XKR9: variants seen among roughly 807,000 people sequenced by gnomAD.
The protein encoded by XKR9 is XK-related protein 9.
Under a neutral mutation model 32.0 loss-of-function variants are expected in XKR9, and 32 were observed. The observed-to-expected ratio is 1.00, with a 90% CI of 0.76 to 1.34. The LOEUF is 1.34. XKR9 is among the 40% of genes most tolerant of loss of function. The pLI is 0.00. For missense variants in XKR9, 546 were observed against 429.7 expected (o/e 1.27, Z -2.39); for synonymous variants, 168 against 143.4 (o/e 1.17, Z -1.22).
rs764181796 is a variant in XKR9, at chr8:70,734,410, T to A, written c.1108T>A (p.Phe370Ile). 72 of 1,582,270 alleles carry A rather than the reference T, an allele frequency of 4.6e-5. No homozygotes were observed. The highest frequency in any genetic ancestry group is 6.1e-5 in the Non-Finnish European group (72 of 1,171,612). The change falls in exon 5 of 5, where the codon TTC (phenylalanine) becomes ATC (isoleucine). Residue 370 changes from phenylalanine (F) to isoleucine (I), a missense_variant. Phe to Ile is a conservative substitution (Grantham distance 21, BLOSUM62 0). Coordinates refer to ENST00000408926, the MANE Select transcript of XKR9 (RefSeq NM_001011720.2). ...TCTAAGAGAATGTAGAATGAGATAT[T>A]TCCTAATGGAATAAGCTATTCATTT... The part of the protein sequence containing the change: ...PVLRECRMRY[F>I]LME
At chr8:70,953,151 A>G in the XKR9 span, among the ~76,000 whole-genome samples, 3 of 152,220 alleles carry the variant, frequency 2.0e-5, no homozygotes, top group African/African-American at 2.4e-5. Flanking sequence ...TCCTTCAACT[A>G]CATTAGACTT....
the XKR9 span, among the ~76,000 whole-genome samples, chr8:70,829,551 C>G: frequency 6.6e-6 from 1 of 152,164 alleles, no homozygotes; most frequent in Non-Finnish European, 1.5e-5. Flanking sequence ...CGGGTTCACG[C>G]CATTCTCCTG....
the XKR9 span, among the ~76,000 whole-genome samples, chr8:70,875,718 T>C: frequency 6.6e-6 from 1 of 152,206 alleles, no homozygotes; most frequent in African/African-American, 2.4e-5. Flanking sequence ...ATATTTGGAA[T>C]TATTAAATGA....
chr8:70,778,419 T>C (rs1192886278), intron 2 of XKR9, among the ~76,000 whole-genome samples: 1 of 152,232 alleles, frequency 6.6e-6, no homozygotes, highest in African/African-American at 2.4e-5. Flanking sequence ...AGGATTGTCT[T>C]GTCTATGTGA....
the XKR9 span, among the ~76,000 whole-genome samples, chr8:70,888,215 A>T: frequency 4.0e-5 from 6 of 151,818 alleles, no homozygotes; most frequent in South Asian, 1.0e-3. Context: ...GCATTTTTTC[A>T]TATATCTGTA....
chr8:70,813,512 A>G, the XKR9 span, among the ~76,000 whole-genome samples: 1 of 152,110 alleles, frequency 6.6e-6, no homozygotes, highest in Non-Finnish European at 1.5e-5. Flanking sequence ...GCAACCTACA[A>G]AATGGGAGAA....
chr8:70,749,507 C>T (rs1390431866), intron 2 of XKR9, among the ~76,000 whole-genome samples: 1 of 152,090 alleles, frequency 6.6e-6, no homozygotes, highest in Non-Finnish European at 1.5e-5. Flanking sequence ...ACATTTGGTC[C>T]AGCCACAGCC....
chr8:70,740,843 G>A (rs995062732), downstream of XKR9, among the ~76,000 whole-genome samples: 1 of 152,228 alleles, frequency 6.6e-6, no homozygotes, highest in African/African-American at 2.4e-5. Flanking sequence ...TCTCAGAGGA[G>A]TACCTGGCCG....
the XKR9 span, among the ~76,000 whole-genome samples, chr8:70,809,942 C>T: frequency 6.6e-6 from 1 of 152,076 alleles, no homozygotes; most frequent in Non-Finnish European, 1.5e-5. Flanking sequence ...ACAGAGAACA[C>T]CACAAAGATA....
At chr8:70,696,111 AT>A (rs1805265711) in intron 3 of XKR9, among the ~76,000 whole-genome samples, 1 of 150,110 alleles carries the variant, frequency 6.7e-6, no homozygotes, top group Non-Finnish European at 1.5e-5. Context: ...GGTTGCAAAA[AT>A]TTTCTCCCAT....
chr8:70,899,870 A>G, the XKR9 span, among the ~76,000 whole-genome samples: 100 of 152,324 alleles, frequency 6.6e-4, no homozygotes, highest in African/African-American at 2.4e-3. Flanking sequence ...CTAATAACAA[A>G]GCTGAGATCA....
At chr8:70,966,758 C>G in the XKR9 span, among the ~76,000 whole-genome samples, 4 of 152,110 alleles carry the variant, frequency 2.6e-5, no homozygotes, top group Non-Finnish European at 4.4e-5. Flanking sequence ...GAGTCTAAGT[C>G]TCTTTGTAGG....
At chr8:70,919,254 C>CT in the XKR9 span, among the ~76,000 whole-genome samples, 1 of 152,256 alleles carries the variant, frequency 6.6e-6, no homozygotes. Context: ...TCATAGAATA[C>CT]TTTTTTCAGG....
chr8:70,932,845 C>T, the XKR9 span, among the ~76,000 whole-genome samples: 1 of 152,148 alleles, frequency 6.6e-6, no homozygotes, highest in Non-Finnish European at 1.5e-5. Context: ...TCTCCCAATA[C>T]AGACACAGTA....
chr8:70,974,573 C>T, the XKR9 span, among the ~76,000 whole-genome samples: 1 of 152,164 alleles, frequency 6.6e-6, no homozygotes, highest in Admixed American at 6.5e-5. Flanking sequence ...GACATGAACC[C>T]ATCCTTTCTT....
the XKR9 span, among the ~76,000 whole-genome samples, chr8:70,886,540 T>C: frequency 5.9e-5 from 9 of 152,292 alleles, no homozygotes; most frequent in East Asian, 1.7e-3. Flanking sequence ...TCTGCATCCT[T>C]GCCAGCATCT....
the XKR9 span, among the ~76,000 whole-genome samples, chr8:70,912,276 C>T: frequency 6.6e-6 from 1 of 152,024 alleles, no homozygotes; most frequent in African/African-American, 2.4e-5. Context: ...TTCATAATTT[C>T]ATAACATCAC....
chr8:70,956,664 C>G, the XKR9 span, among the ~76,000 whole-genome samples: 1 of 152,182 alleles, frequency 6.6e-6, no homozygotes, highest in Non-Finnish European at 1.5e-5. Flanking sequence ...AGCCCCCCTC[C>G]CGTGCCTGTT....
the XKR9 span, among the ~76,000 whole-genome samples, chr8:70,844,827 G>T: frequency 6.6e-6 from 1 of 152,208 alleles, no homozygotes; most frequent in Middle Eastern, 3.2e-3. Context: ...TAACACTAAT[G>T]CATGCCACTT....
Sources: allele counts gnomAD v4.1 joint callset (sites outside exome capture counted in the v4.1 genomes callset), GRCh38; gene constraint gnomAD v4.1.1; transcripts MANE v1.5; gene names NCBI Gene and HGNC (gene_info 2026-07-23, HGNC 2026-07-21).